DNLZ: variants seen among roughly 807,000 people sequenced by gnomAD.
DNLZ encodes DNL-type zinc finger protein.
Under a neutral mutation model 7.8 loss-of-function variants are expected in DNLZ, and 15 were observed. The observed-to-expected ratio is 1.91, with a 90% CI of 1.28 to 2.95. The LOEUF (loss-of-function observed/expected upper bound fraction) is 2.95, where lower values mean the gene tolerates loss of function less well. Ranked by LOEUF, DNLZ falls within the 30% of genes most tolerant of loss-of-function variation. The probability of loss-of-function intolerance (pLI) is 0.00; values close to 1 mark genes in which losing one functional copy is unlikely to be tolerated. For missense variants in DNLZ, 255 were observed against 167.3 expected (o/e 1.52, Z -2.89); for synonymous variants, 123 against 77.8 (o/e 1.58, Z -3.05).
At position 136,361,871 on chromosome 9, in the gene DNLZ, GAAAGGCCAC is replaced by G. The variant is rs1318205078; in HGVS notation, c.*132_*140del. The stretch of plus-strand genomic sequence containing the variant: ...AGCAATCGTTCTAACTCCAGAAAAA[GAAAGGCCAC>G]GAGGGCCACAGGCCCCAGCATCTGG... On this transcript the variant is annotated 3_prime_UTR_variant, in exon 3 of 3. Coordinates refer to ENST00000371738, the MANE Select transcript of DNLZ (RefSeq NM_001080849.3). The G allele has an allele frequency of 2.0e-5, 12 of 610,066 alleles. No individual in the cohort carries two copies. The highest frequency in any genetic ancestry group is 2.9e-5 in the Non-Finnish European group (12 of 418,646). The allele number at this position is 610,066 out of a possible 1,614,324, so 37.8% of individuals were successfully genotyped here. A position where few individuals can be genotyped will look rare whatever the true frequency, so the allele number is the denominator to read the frequency against.
In DNLZ at chr9:136,361,917, GTT is replaced by G. The variant is rs1588716264; in HGVS notation, c.*93_*94del. On this transcript the variant is annotated 3_prime_UTR_variant, in exon 3 of 3. Transcript: ENST00000371738. ...GCCCCAGCATCTGGAAGTAATGTCT[GTT>G]TATTGATAGAAAACAGGCCACGTCC... 2.1e-6 allele frequency: 2 copies of G among 972,450 alleles called. No homozygotes were observed. Among genetic ancestry groups the G allele is most frequent in the East Asian group, 6.5e-5 (2 of 30,642 alleles). The allele number at this position is 972,450 out of a possible 1,614,324, so 60.2% of individuals were successfully genotyped here.
At position 136,361,487 on chromosome 9, in the gene DNLZ, G is replaced by A. The variant is rs906739665; in HGVS notation, c.*525C>T. 2.0e-5 allele frequency: 3 copies of A among 152,504 alleles called. No individual in the cohort carries two copies. The highest frequency in any genetic ancestry group is 6.5e-5 in the Admixed American group (1 of 15,290). 9.4% of individuals were successfully genotyped at this position (152,504 alleles called of 1,614,324 possible). A position where few individuals can be genotyped will look rare whatever the true frequency, so the allele number is the denominator to read the frequency against. ...TCTGGAGCTCCTAACACACGGCCAC[G>A]CCATAGCTGCTCGTCCTGCCTGGGC... On this transcript the variant is annotated 3_prime_UTR_variant, in exon 3 of 3. Transcript: ENST00000371738.
rs1375249109 is a variant in DNLZ, at chr9:136,363,046, T to C, written c.311A>G (p.Gln104Arg). ...GVVIVTCPGCQNHHIIADNLG... is the reference protein window; with the variant it reads ...GVVIVTCPGCRNHHIIADNLG... ...GTTGTCAGCGATGATATGGTGGTTCTGGCAGCCGGGGCAGGTCACAATGAC... is the reference window on the plus strand; with the variant it reads ...GTTGTCAGCGATGATATGGTGGTTCCGGCAGCCGGGGCAGGTCACAATGAC... The change falls in exon 2 of 3, where the codon CAG becomes CGG. Residue 104 changes from glutamine (Q) to arginine (R), a missense_variant. Transcript: ENST00000371738. The C allele has an allele frequency of 1.2e-6, 2 of 1,613,720 alleles. No individual in the cohort carries two copies. Among genetic ancestry groups the C allele is most frequent in the African/African-American group, 2.7e-5 (2 of 74,940 alleles).
intron 1 of DNLZ, 129 bp downstream of exon 1, chr9:136,363,358 G>A (rs547341658): frequency 1.3e-4 from 93 of 719,318 alleles, no homozygotes; most frequent in East Asian, 1.5e-4. Context: ...GAAGCCCCAA[G>A]GGGTGGCTCC....
In DNLZ at chr9:136,363,613, C is replaced by T. The variant is rs2131428473; in HGVS notation, c.102G>A (p.Glu34=). Residue 34 remains glutamate, a synonymous_variant, in exon 1 of 3, where the codon GAG becomes GAA. Transcript: ENST00000371738. ...RRLWGRGARP[E]VAGRRRAWAW... ...CCCAGGCCCGCCGCCTCCCCGCGACCTCTGGACGGGCCCCGCGGCCCCACA... is the reference window on the plus strand; with the variant it reads ...CCCAGGCCCGCCGCCTCCCCGCGACTTCTGGACGGGCCCCGCGGCCCCACA... 3.9e-6 allele frequency: 2 copies of T among 517,176 alleles called. No individual in the cohort carries two copies. The highest frequency in any genetic ancestry group is 6.8e-6 in the Non-Finnish European group (2 of 292,482). The allele number at this position is 517,176 out of a possible 1,614,324, so 32.0% of individuals were successfully genotyped here. A position where few individuals can be genotyped will look rare whatever the true frequency, so the allele number is the denominator to read the frequency against.
Position 136,362,113 on chromosome 9 carries a change from C to T in DNLZ, c.436G>A (p.Glu146Lys). 1 of 1,496,030 alleles carries T rather than the reference C, an allele frequency of 6.7e-7. No homozygotes were observed. The highest frequency in any genetic ancestry group is 8.9e-7 in the Non-Finnish European group (1 of 1,125,744). The allele number at this position is 1,496,030 out of a possible 1,614,324, so 92.7% of individuals were successfully genotyped here. ...VHRVAGEGAL[E>K]LVLEAAGAPT... The stretch of plus-strand genomic sequence containing the variant: ...GCCCCTGCAGCCTCCAGAACCAGTT[C>T]CAGGGCCCCCTCGCCCGCCACACGG... Residue 146 changes from glutamate to lysine, a missense_variant, in exon 3 of 3, where the codon GAA becomes AAA. Physicochemically the swap from Glu to Lys is moderately conservative, Grantham distance 56. Transcript: ENST00000371738.
chr9:136,361,623 G>T lies in DNLZ; in HGVS notation c.*389C>A, dbSNP rs529071629. On this transcript the variant is annotated 3_prime_UTR_variant, in exon 3 of 3. Transcript: ENST00000371738. ...GAGGCCGCCAGAGCTGGCCAGGGGG[G>T]CGGCAAGGGCCTTGCAGAGGAAGGC... 1.7e-5 allele frequency: 3 copies of T among 178,462 alleles called. No individual in the cohort carries two copies. The highest frequency in any genetic ancestry group is 7.0e-5 in the African/African-American group (3 of 42,744). 11.1% of individuals were successfully genotyped at this position (178,462 alleles called of 1,614,324 possible). A position where few individuals can be genotyped will look rare whatever the true frequency, so the allele number is the denominator to read the frequency against.
At chr9:136,363,457 G>A in intron 1 of DNLZ, 30 bp downstream of exon 1, 1 of 762,316 alleles carries the variant, frequency 1.3e-6, no homozygotes, top group Non-Finnish European at 2.4e-6. Context: ...ATACGGGTCT[G>A]TCCCCGGTTC....
rs573568017 is a variant in DNLZ at position 136,361,449 on chromosome 9, C to A, written c.*563G>T. 1 of 152,400 alleles carries A rather than the reference C, an allele frequency of 6.6e-6. No individual in the cohort carries two copies. The highest frequency in any genetic ancestry group is 2.1e-4 in the South Asian group (1 of 4,830). The allele number at this position is 152,400 out of a possible 1,614,324, so 9.4% of individuals were successfully genotyped here. ...CCGAGGGAAGGAGGCCCAGGTGGCTCCCCCGGGAGGGGTCTGGAGCTCCTA... is the reference window on the plus strand; with the variant it reads ...CCGAGGGAAGGAGGCCCAGGTGGCTACCCCGGGAGGGGTCTGGAGCTCCTA... On this transcript the variant is annotated 3_prime_UTR_variant, in exon 3 of 3. Coordinates refer to ENST00000371738, the MANE Select transcript of DNLZ (RefSeq NM_001080849.3).
In DNLZ at chr9:136,363,740, G is replaced by C. The variant is rs1000708650; in HGVS notation, c.-26C>G. On this transcript the variant is annotated 5_prime_UTR_variant, in exon 1 of 3. Transcript: ENST00000371738. Reference sequence around the variant, plus strand: ...CCCGCTCGCCGGCTCCGTCCGCCCTGCCCCGGCCCCGCCCCGCCGCCATCT... The same window carrying C: ...CCCGCTCGCCGGCTCCGTCCGCCCTCCCCCGGCCCCGCCCCGCCGCCATCT... 3 of 483,892 alleles carry C rather than the reference G, an allele frequency of 6.2e-6. No individual in the cohort carries two copies. In the Admixed American group the frequency reaches 1.3e-4, roughly 22 times the overall value. 30.0% of individuals were successfully genotyped at this position (483,892 alleles called of 1,614,324 possible).
chr9:136,363,731 GT>G lies in DNLZ; in HGVS notation c.-18del. The G allele has an allele frequency of 2.6e-6, 1 of 378,518 alleles. No individual in the cohort carries two copies. Among genetic ancestry groups the G allele is most frequent in the Non-Finnish European group, 4.7e-6 (1 of 213,154 alleles). 23.4% of individuals were successfully genotyped at this position (378,518 alleles called of 1,614,324 possible). On this transcript the variant is annotated 5_prime_UTR_variant, in exon 1 of 3. Transcript: ENST00000371738. The stretch of plus-strand genomic sequence containing the variant: ...CCGCAGCATCCCGCTCGCCGGCTCC[GT>G]CCGCCCTGCCCCGGCCCCGCCCCGC...
In DNLZ at chr9:136,362,981, G is replaced by A. The variant is rs1043220513; in HGVS notation, c.368+8C>T. On this transcript the variant is annotated splice_region_variant and intron_variant, in intron 2 of 2. Transcript: ENST00000371738. ...CCTTCTGGCCCAGCCCTGGGGTACA[G>A]GCCTCACCTCTTCCCATTCAGGTCC... is the stretch of plus-strand genomic sequence containing the variant. 6.2e-7 allele frequency: 1 copy of A among 1,613,560 alleles called. No individual in the cohort carries two copies. Among genetic ancestry groups the A allele is most frequent in the Non-Finnish European group, 8.5e-7 (1 of 1,179,934 alleles).
Position 136,362,889 on chromosome 9 carries a change from G to A in DNLZ, c.368+100C>T, listed in dbSNP as rs554933663. ...ATTGATAAGGTGGCTGGATTTCCCA[G>A]GTGAGATCTATAAACCTCAACACTA... is the stretch of plus-strand genomic sequence containing the variant. On this transcript the variant is annotated intron_variant, in intron 2 of 2. Transcript: ENST00000371738. The A allele has an allele frequency of 1.2e-4, 128 of 1,100,796 alleles. No homozygotes were observed. The African/African-American group carries it at 1.6e-3, about 13-fold the overall frequency. The allele number at this position is 1,100,796 out of a possible 1,614,324, so 68.2% of individuals were successfully genotyped here.
chr9:136,363,671 C>T lies in DNLZ; in HGVS notation c.44G>A (p.Arg15His), dbSNP rs1246351911. 7.4e-6 allele frequency: 3 copies of T among 405,476 alleles called. No individual in the cohort carries two copies. The highest frequency in any genetic ancestry group is 1.3e-5 in the Non-Finnish European group (3 of 234,964). 25.1% of individuals were successfully genotyped at this position (405,476 alleles called of 1,614,324 possible). A position where few individuals can be genotyped will look rare whatever the true frequency, so the allele number is the denominator to read the frequency against. The change falls in exon 1 of 3, where the codon CGC (arginine) becomes CAC (histidine). Residue 15 changes from arginine (R) to histidine (H), a missense_variant. Physicochemically the swap from Arg to His is conservative, Grantham distance 29 (BLOSUM62 0). Coordinates refer to ENST00000371738, the MANE Select transcript of DNLZ (RefSeq NM_001080849.3). ...CAGGCAGGGCGCCCGGGGCTGCACGCGACTCAGCAACCTCGGCGCGCCGCG... is the reference window on the plus strand; with the variant it reads ...CAGGCAGGGCGCCCGGGGCTGCACGTGACTCAGCAACCTCGGCGCGCCGCG... ...ALRGAPRLLS[R>H]VQPRAPCLRR... is the part of the protein sequence containing the mutation.
At chr9:136,363,386 G>C (rs532839840) in intron 1 of DNLZ, 101 bp downstream of exon 1, 124 of 747,724 alleles carry the variant, frequency 1.7e-4, no homozygotes, top group African/African-American at 1.2e-3. Context: ...CCTGTGACTT[G>C]ACCACGCCGC....
intron 2 of DNLZ, among the ~76,000 whole-genome samples, 165 bp from the exon 3 acceptor site, chr9:136,362,345 A>G (rs1413563231): frequency 6.6e-6 from 1 of 152,088 alleles, no homozygotes; most frequent in Admixed American, 6.5e-5. Context: ...GTGTGCCCTC[A>G]CCAGCCCTGT....
chr9:136,362,385 C>T (rs894376935), intron 2 of DNLZ, among the ~76,000 whole-genome samples: 3 of 152,216 alleles, frequency 2.0e-5, no homozygotes, highest in Admixed American at 2.0e-4. Context: ...GCCTCAGGAA[C>T]CCAGTCTCCT....
Position 136,363,383 on chromosome 9 carries a change from C to T in DNLZ, c.228+104G>A. ...GGGGTGGCTCCACTCCTTCCTGTGA[C>T]TTGACCACGCCGCCTCCCGGATCCC... On this transcript the variant is annotated intron_variant, in intron 1 of 2. Coordinates refer to ENST00000371738, the MANE Select transcript of DNLZ (RefSeq NM_001080849.3). 1.2e-5 allele frequency: 9 copies of T among 746,246 alleles called. No individual in the cohort carries two copies. The South Asian group carries it at 1.3e-4, about 10-fold the overall frequency. 46.2% of individuals were successfully genotyped at this position (746,246 alleles called of 1,614,324 possible).
chr9:136,362,545 C>T (rs1362027400), intron 2 of DNLZ, among the ~76,000 whole-genome samples: 3 of 152,218 alleles, frequency 2.0e-5, no homozygotes, highest in South Asian at 2.1e-4. Flanking sequence ...CAGGACCTCC[C>T]GGCCAGGCAA....
Sources: gnomAD v4.1 joint callset for allele counts (sites outside exome capture counted in the v4.1 genomes callset) on GRCh38, gnomAD v4.1.1 for gene constraint, MANE v1.5 for transcripts, NCBI Gene and HGNC (gene_info 2026-07-23, HGNC 2026-07-21) for gene names.